HSPB1: variants seen among roughly 807,000 people sequenced by gnomAD.
HSPB1 encodes heat shock protein beta-1.
A neutral mutation model predicts 17.0 loss-of-function variants in HSPB1; 19 were observed. That is an observed-to-expected ratio of 1.12 (90% CI 0.78 to 1.64). HSPB1 has a LOEUF of 1.64. HSPB1 is among the 40% of genes most tolerant of loss of function. The pLI is 0.00. For missense variants in HSPB1, 348 were observed against 289.2 expected (o/e 1.20, Z -1.47); for synonymous variants, 165 against 129.8 (o/e 1.27, Z -1.84).
At position 76,304,115 on chromosome 7, in the gene HSPB1, C is replaced by A. The variant is rs774585320; in HGVS notation, c.560C>A (p.Ser187Ter). 2.5e-6 allele frequency: 4 copies of A among 1,613,272 alleles called. No homozygotes were observed. Among genetic ancestry groups the A allele is most frequent in the Non-Finnish European group, 3.4e-6 (4 of 1,179,760 alleles). The stretch of plus-strand genomic sequence containing the variant: ...ATCACCATCCCAGTCACCTTCGAGT[C>A]GCGGGCCCAGCTTGGGGGCCCAGAA... ...NEITIPVTFE[S>*]RAQLGGPEAA... The change falls in exon 3 of 3, where the codon TCG becomes TAG. Residue 187 changes from serine to a stop codon, truncating the protein, a stop_gained. Coordinates refer to ENST00000248553, the MANE Select transcript of HSPB1 (RefSeq NM_001540.5). LOFTEE classifies it high-confidence loss of function.
In HSPB1 at chr7:76,302,822, G is replaced by C. The variant is rs372197630; in HGVS notation, c.110G>C (p.Arg37Pro). 3.1e-6 allele frequency: 5 copies of C among 1,606,210 alleles called. No homozygotes were observed. The highest frequency in any genetic ancestry group is 3.4e-6 in the Non-Finnish European group (4 of 1,178,656). ...TTCGACCAGGCCTTCGGGCTGCCCC[G>C]GCTGCCGGAGGAGTGGTCGCAGTGG... ...RLFDQAFGLP[R>P]LPEEWSQWLG... The change falls in exon 1 of 3, where the codon CGG becomes CCG. Residue 37 changes from arginine (R) to proline (P), a missense_variant. Transcript: ENST00000248553.
At position 76,302,985 on chromosome 7, in the gene HSPB1, T is replaced by C; in HGVS notation, c.273T>C (p.Thr91=). 6.5e-7 allele frequency: 1 copy of C among 1,543,440 alleles called. No homozygotes were observed. The highest frequency in any genetic ancestry group is 2.4e-5 in the East Asian group (1 of 41,600). ...LSSGVSEIRH[T]ADRWRVSLDV... Reference sequence around the variant, plus strand: ...GCGGGGTCTCGGAGATCCGGCACACTGCGGACCGCTGGCGCGTGTCCCTGG... The same window carrying C: ...GCGGGGTCTCGGAGATCCGGCACACCGCGGACCGCTGGCGCGTGTCCCTGG... Residue 91 remains threonine (T), a synonymous_variant, in exon 1 of 3, where the codon ACT becomes ACC. Coordinates refer to ENST00000248553, the MANE Select transcript of HSPB1 (RefSeq NM_001540.5).
In HSPB1 at chr7:76,303,847, G is replaced by C. The variant is rs751728081; in HGVS notation, c.410G>C (p.Cys137Ser). Residue 137 changes from cysteine (C) to serine (S), a missense_variant, in exon 2 of 3, where the codon TGC becomes TCC. Physicochemically the swap from Cys to Ser is moderately radical, Grantham distance 112. Coordinates refer to ENST00000248553, the MANE Select transcript of HSPB1 (RefSeq NM_001540.5). ...RQDEHGYISR[C>S]FTRKYTLPPG... ...GACGAGCATGGCTACATCTCCCGGT[G>C]CTTCACGCGGAAATACACGTGAGTC... The C allele has an allele frequency of 5.0e-6, 8 of 1,610,818 alleles. No homozygotes were observed. The East Asian group carries it at 1.6e-4, about 31-fold the overall frequency.
At chr7:76,303,181 G>A (rs1803035799) in intron 1 of HSPB1, 105 bp downstream of exon 1, 3 of 1,370,086 alleles carry the variant, frequency 2.2e-6, no homozygotes, top group African/African-American at 1.5e-5. Flanking sequence ...GGAGTTAAAC[G>A]TTGGCCCAGC....
chr7:76,304,125 G>C lies in HSPB1; in HGVS notation c.570G>C (p.Gln190His), dbSNP rs764297134. ...CAGTCACCTTCGAGTCGCGGGCCCA[G>C]CTTGGGGGCCCAGAAGCTGCAAAAT... Reference protein sequence around the residue: ...TIPVTFESRAQLGGPEAAKSD... With the variant: ...TIPVTFESRAHLGGPEAAKSD... The change falls in exon 3 of 3, where the codon CAG (glutamine) becomes CAC (histidine). Residue 190 changes from glutamine to histidine, a missense_variant. Transcript: ENST00000248553. 74 of 1,612,796 alleles carry C rather than the reference G, an allele frequency of 4.6e-5. No homozygotes were observed. The highest frequency in any genetic ancestry group is 3.3e-4 in the South Asian group (30 of 90,888).
chr7:76,302,680 T>A lies in HSPB1; in HGVS notation c.-33T>A, dbSNP rs1435982988. 2 of 1,597,380 alleles carry A rather than the reference T, an allele frequency of 1.3e-6. No homozygotes were observed. Among genetic ancestry groups the A allele is most frequent in the Admixed American group, 3.4e-5 (2 of 59,556 alleles). On this transcript the variant is annotated 5_prime_UTR_variant, in exon 1 of 3. Transcript: ENST00000248553. ...AGCCGAGCCCAGCGCCCCGCACTTT[T>A]CTGAGCAGACGTCCAGAGCAGAGTC...
chr7:76,303,363 C>A (rs763698541), intron 1 of HSPB1: 5 of 516,848 alleles, frequency 9.7e-6, no homozygotes, highest in East Asian at 6.4e-5. Flanking sequence ...CGCGCCCCCC[C>A]GCCCCGACCC....
chr7:76,303,647 A>T lies in HSPB1; in HGVS notation c.365-155A>T, dbSNP rs1563652491. On this transcript the variant is annotated intron_variant, in intron 1 of 2. Transcript: ENST00000248553. ...ACTTTCCGGAAGTTTCTGAGAGCCC[A>T]GACCGGCGGGCACGCCCCCATCCCC... is the stretch of plus-strand genomic sequence containing the variant. 3.2e-5 allele frequency: 21 copies of T among 660,426 alleles called. No homozygotes were observed. In the South Asian group the frequency reaches 3.3e-4, roughly 10 times the overall value. The allele number at this position is 660,426 out of a possible 1,614,324, so 40.9% of individuals were successfully genotyped here.
intron 1 of HSPB1, 182 bp downstream of exon 1, chr7:76,303,258 G>A (rs1212970922): frequency 7.1e-6 from 5 of 704,098 alleles, no homozygotes; most frequent in Non-Finnish European, 2.3e-6. Flanking sequence ...TTCTAAGGGC[G>A]CTTTCTGCTC....
intron 1 of HSPB1, 169 bp downstream of exon 1, chr7:76,303,245 C>T: frequency 1.2e-6 from 1 of 818,968 alleles, no homozygotes; most frequent in Non-Finnish European, 1.9e-6. Flanking sequence ...GAGTGCGGGT[C>T]GCTTCTAAGG....
At position 76,303,734 on chromosome 7, in the gene HSPB1, C is replaced by T. The variant is rs1803055922; in HGVS notation, c.365-68C>T. ...GGCTGCTTCCAAGCAGGAGGTGGGGCCTCTGGCCTAGCGGGGCCGAAAGGC... is the reference window on the plus strand; with the variant it reads ...GGCTGCTTCCAAGCAGGAGGTGGGGTCTCTGGCCTAGCGGGGCCGAAAGGC... On this transcript the variant is annotated intron_variant, in intron 1 of 2. Transcript: ENST00000248553. 5 of 1,407,648 alleles carry T rather than the reference C, an allele frequency of 3.6e-6. No individual in the cohort carries two copies. In the Admixed American group the frequency reaches 8.4e-5, roughly 24 times the overall value. The allele number at this position is 1,407,648 out of a possible 1,614,324, so 87.2% of individuals were successfully genotyped here. A position where few individuals can be genotyped will look rare whatever the true frequency, so the allele number is the denominator to read the frequency against.
chr7:76,303,742 C>A, intron 1 of HSPB1, 60 bp from the exon 2 acceptor site: 2 of 1,510,150 alleles, frequency 1.3e-6, no homozygotes, highest in South Asian at 2.2e-5. Context: ...GGCCTCTGGC[C>A]TAGCGGGGCC....
intron 1 of HSPB1, 88 bp downstream of exon 1, chr7:76,303,164 G>A (rs1489144406): frequency 1.0e-5 from 15 of 1,446,066 alleles, no homozygotes; most frequent in South Asian, 1.3e-5. Flanking sequence ...GGGTCCCGGG[G>A]GCCTGGGGAG....
At chr7:76,303,775 A>T in intron 1 of HSPB1, 27 bp from the exon 2 acceptor site, 4 of 1,570,960 alleles carry the variant, frequency 2.5e-6, no homozygotes, top group African/African-American at 1.4e-5. Flanking sequence ...CCTCCCCCGC[A>T]GTCTGATTTC....
At chr7:76,303,172 G>A (rs1173240062) in intron 1 of HSPB1, 96 bp downstream of exon 1, 1 of 1,418,262 alleles carries the variant, frequency 7.1e-7, no homozygotes, top group Non-Finnish European at 9.4e-7. Context: ...GGGGCCTGGG[G>A]AGTTAAACGT....
chr7:76,303,198 A>C, intron 1 of HSPB1, 122 bp downstream of exon 1: 2 of 1,203,296 alleles, frequency 1.7e-6, no homozygotes, highest in Non-Finnish European at 2.3e-6. Context: ...CAGCACCGGG[A>C]AAAACAGGAC....
rs1419121194 is a variant in HSPB1, at chr7:76,304,274, A to G, written c.*101A>G. On this transcript the variant is annotated 3_prime_UTR_variant, in exon 3 of 3. Coordinates refer to ENST00000248553, the MANE Select transcript of HSPB1 (RefSeq NM_001540.5). ...CATTTATCTTCTGTTTTTCTCAAAT[A>G]AAGTTCAAAGCAACCACCTGTCACT... 5.6e-6 allele frequency: 7 copies of G among 1,242,794 alleles called. 1 individual carries two copies. The highest frequency in any genetic ancestry group is 8.1e-6 in the Non-Finnish European group (7 of 867,072). The allele number at this position is 1,242,794 out of a possible 1,614,324, so 77.0% of individuals were successfully genotyped here.
chr7:76,303,310 T>C (rs1183402703), intron 1 of HSPB1: 3 of 563,752 alleles, frequency 5.3e-6, no homozygotes, highest in South Asian at 2.3e-5. Flanking sequence ...GGAGGATCGC[T>C]TGAGGCCAGG....
At chr7:76,303,546 T>C (rs879834013) in intron 1 of HSPB1, 12 of 582,398 alleles carry the variant, frequency 2.1e-5, no homozygotes, top group Non-Finnish European at 3.1e-5. Context: ...TGTGCGCGGC[T>C]CCAAGTGCGC....
Sources: gnomAD v4.1 joint callset for allele counts on GRCh38, gnomAD v4.1.1 for gene constraint, MANE v1.5 for transcripts, NCBI Gene and HGNC (gene_info 2026-07-23, HGNC 2026-07-21) for gene names.